RYR2: variants seen among roughly 807,000 people sequenced by gnomAD.
RYR2 encodes the protein ryanodine receptor 2.
A neutral mutation model predicts 601.1 loss-of-function variants in RYR2; 227 were observed. That is an observed-to-expected ratio of 0.38 (90% CI 0.34 to 0.42). The LOEUF (loss-of-function observed/expected upper bound fraction) is 0.42, where lower values mean the gene tolerates loss of function less well. RYR2 is among the 10% of genes least tolerant of loss of function. RYR2 has a pLI of 1.00. For synonymous variants in RYR2, 2,223 were observed against 2,175.1 expected, an observed-to-expected ratio of 1.02 and a Z score of -0.61; for missense variants, 4,646 against 6,156.5, an observed-to-expected ratio of 0.75 and a Z score of 8.21.
At chr1:237,628,621 T>C (rs1679933706) in intron 41 of RYR2, among the ~76,000 whole-genome samples, 2 of 152,176 alleles carry the variant, frequency 1.3e-5, no homozygotes, top group South Asian at 4.1e-4. Flanking sequence ...AAACAAAAGC[T>C]AAGTTAGAAA....
At chr1:237,066,069 C>T (rs1011898381) in intron 1 of RYR2, among the ~76,000 whole-genome samples, 9 of 152,196 alleles carry the variant, frequency 5.9e-5, no homozygotes, top group African/African-American at 2.2e-4. Context: ...GGGCACAGAT[C>T]CAACCATATC....
chr1:237,406,552 G>A (rs1703926059), intron 10 of RYR2, among the ~76,000 whole-genome samples: 1 of 151,788 alleles, frequency 6.6e-6, no homozygotes, highest in Non-Finnish European at 1.5e-5. Context: ...CTTTTAAAGA[G>A]AATAATCCAA....
Position 237,784,972 on chromosome 1 carries a change from G to T in RYR2, c.13260G>T (p.Gln4420His), listed in dbSNP as rs1319502141. The T allele has an allele frequency of 6.4e-7, 1 of 1,572,516 alleles. No individual in the cohort carries two copies. Among genetic ancestry groups the T allele is most frequent in the Non-Finnish European group, 8.6e-7 (1 of 1,158,270 alleles). ...VPMPEVQEKF[Q>H]EQKAKEEEKE... ...TGCCTGAGGTGCAGGAAAAATTTCA[G>T]GTAATTTATCTCTAAGTCACAGCAG... is the stretch of plus-strand genomic sequence containing the variant. Residue 4420 changes from glutamine to histidine, a missense_variant and splice_region_variant, in exon 90 of 105, where the codon CAG becomes CAT. Transcript: ENST00000366574. This position sits in a 1 kb window ranked among gnomAD's most constrained non-coding sequence, Gnocchi z 7.1.
At chr1:237,264,421 G>C (rs767760009) in intron 1 of RYR2, among the ~76,000 whole-genome samples, 2 of 152,114 alleles carry the variant, frequency 1.3e-5, no homozygotes, top group Non-Finnish European at 2.9e-5. Context: ...CCAATCCTCA[G>C]TATGATGATT....
At chr1:237,062,112 A>C (rs1662964164) in intron 1 of RYR2, among the ~76,000 whole-genome samples, 1 of 152,120 alleles carries the variant, frequency 6.6e-6, no homozygotes, top group Non-Finnish European at 1.5e-5. Context: ...TCTTGTTCCA[A>C]ATTTATAACT....
intron 1 of RYR2, among the ~76,000 whole-genome samples, chr1:237,144,384 G>T (rs1415695970): frequency 6.6e-6 from 1 of 152,062 alleles, no homozygotes; most frequent in Non-Finnish European, 1.5e-5. Flanking sequence ...ATGTCAGAAG[G>T]TAGTTTTGCA....
chr1:237,208,593 A>T (rs895278053), intron 1 of RYR2, among the ~76,000 whole-genome samples: 1 of 152,050 alleles, frequency 6.6e-6, no homozygotes, highest in African/African-American at 2.4e-5. Context: ...GTCAAAAATT[A>T]TATATATTCA....
At chr1:237,572,216 C>G (rs965252760) in intron 29 of RYR2, among the ~76,000 whole-genome samples, 1 of 152,106 alleles carries the variant, frequency 6.6e-6, no homozygotes, top group African/African-American at 2.4e-5. Context: ...TTGGTGTTAT[C>G]TATCTGTCTA....
chr1:237,694,581 G>C (rs1446520692), intron 63 of RYR2, among the ~76,000 whole-genome samples: 1 of 152,044 alleles, frequency 6.6e-6, no homozygotes. Context: ...GAGAAGTTCA[G>C]AAATATTGGA....
intron 1 of RYR2, among the ~76,000 whole-genome samples, chr1:237,237,777 C>G (rs1685700440): frequency 6.6e-6 from 1 of 152,122 alleles, no homozygotes; most frequent in Non-Finnish European, 1.5e-5. Context: ...GGTTTGGCAT[C>G]TTTTTAGGAC....
chr1:237,320,883 C>T (rs1695559916), intron 2 of RYR2, among the ~76,000 whole-genome samples: 1 of 151,888 alleles, frequency 6.6e-6, no homozygotes, highest in Non-Finnish European at 1.5e-5. Context: ...AAGCCAAAGT[C>T]GTGGAGTATG....
chr1:237,650,068 C>T lies in RYR2; in HGVS notation c.7704C>T (p.Ser2568=). The T allele has an allele frequency of 1.2e-6, 2 of 1,613,984 alleles. No individual in the cohort carries two copies. The highest frequency in any genetic ancestry group is 1.7e-6 in the Non-Finnish European group (2 of 1,179,880). The part of the protein sequence containing the change: ...GCSLTKAQRD[S]IEVCLLSICG... ...CACTTACCAAAGCTCAGCGGGATTC[C>T]ATAGAAGTTTGTTTACTCTCTATTT... is the stretch of plus-strand genomic sequence containing the variant. The change falls in exon 50 of 105, where the codon TCC becomes TCT. Residue 2568 remains serine (S), a synonymous_variant. Transcript: ENST00000366574.
chr1:237,275,904 A>G (rs12049532), intron 2 of RYR2, among the ~76,000 whole-genome samples: 18,138 of 152,192 alleles, frequency 0.12, 1,476 homozygotes, highest in East Asian at 0.33. Context: ...CCTAAAAAAT[A>G]AAAACCACAC....
At chr1:237,303,818 T>G (rs2149463172) in intron 2 of RYR2, among the ~76,000 whole-genome samples, 1 of 152,316 alleles carries the variant, frequency 6.6e-6, no homozygotes, top group Non-Finnish European at 1.5e-5. Flanking sequence ...GATGCTTTAC[T>G]TTATATAATT....
At chr1:237,571,202 T>C (rs917310058) in intron 29 of RYR2, among the ~76,000 whole-genome samples, 3 of 152,174 alleles carry the variant, frequency 2.0e-5, no homozygotes, top group Admixed American at 6.5e-5. Flanking sequence ...TATATCCTGT[T>C]ATATGTTTGC....
At chr1:237,670,482 G>A (rs1684835635) in intron 58 of RYR2, among the ~76,000 whole-genome samples, 1 of 152,188 alleles carries the variant, frequency 6.6e-6, no homozygotes, top group African/African-American at 2.4e-5. Flanking sequence ...TTGGCTCATG[G>A]ATGCATGGAT....
At chr1:237,307,410 G>T (rs1572544345) in intron 2 of RYR2, among the ~76,000 whole-genome samples, 1 of 152,132 alleles carries the variant, frequency 6.6e-6, no homozygotes, top group Non-Finnish European at 1.5e-5. Context: ...AACTGAAAAG[G>T]AACAAGGAAT....
Position 237,819,258 on chromosome 1 carries a change from T to C in RYR2, c.14590+66T>C. On this transcript the variant is annotated intron_variant, in intron 101 of 104. Transcript: ENST00000366574. This position sits in a 1 kb window ranked among gnomAD's most constrained non-coding sequence, Gnocchi z 4.0. Reference sequence around the variant, plus strand: ...TTGAGCCACATGTTGCTGAAGTTAATATTCAAGGTAGGGTAATGACGTCAA... The same window carrying C: ...TTGAGCCACATGTTGCTGAAGTTAACATTCAAGGTAGGGTAATGACGTCAA... The C allele has an allele frequency of 6.9e-7, 1 of 1,459,590 alleles. No individual in the cohort carries two copies. The highest frequency in any genetic ancestry group is 1.7e-5 in the Admixed American group (1 of 59,070). 90.4% of individuals were successfully genotyped at this position (1,459,590 alleles called of 1,614,324 possible). A position where few individuals can be genotyped will look rare whatever the true frequency, so the allele number is the denominator to read the frequency against.
chr1:237,604,170 A>G (rs1676837026), intron 35 of RYR2, among the ~76,000 whole-genome samples: 3 of 152,306 alleles, frequency 2.0e-5, no homozygotes, highest in East Asian at 3.9e-4. Context: ...ACATAGTTGG[A>G]AGTAAAGCAC....
Sources: allele counts gnomAD v4.1 joint callset (sites outside exome capture counted in the v4.1 genomes callset), GRCh38; gene constraint gnomAD v4.1.1; non-coding constraint Gnocchi (gnomAD v3.1); transcripts MANE v1.5; gene names NCBI Gene and HGNC (gene_info 2026-07-23, HGNC 2026-07-21).